The following RAD51B variants were observed in gnomAD, a reference collection of about 807,000 sequenced individuals.
RAD51B encodes the protein RAD51 paralog B.
RAD51B carries 38 observed loss-of-function variants against 42.2 expected under a neutral mutation model. That is an observed-to-expected ratio of 0.90 (90% CI 0.70 to 1.18). The LOEUF (loss-of-function observed/expected upper bound fraction) is 1.18. Ranked by LOEUF, RAD51B falls within the 50% of genes most tolerant of loss-of-function variation. RAD51B has a pLI of 0.00. For missense variants in RAD51B, 373 were observed against 400.7 expected, an observed-to-expected ratio of 0.93 and a Z score of 0.59; for synonymous variants, 154 against 145.2, an observed-to-expected ratio of 1.06 and a Z score of -0.43.
intron 7 of RAD51B, among the ~76,000 whole-genome samples, chr14:67,990,748 T>C (rs1361108023): frequency 1.3e-5 from 2 of 152,230 alleles, no homozygotes; most frequent in Admixed American, 6.5e-5. Context: ...TATCTGTAAG[T>C]ACTTTGGGAT....
chr14:68,590,842 T>C (rs1400626981), intron 10 of RAD51B, among the ~76,000 whole-genome samples: 1 of 152,184 alleles, frequency 6.6e-6, no homozygotes, highest in Non-Finnish European at 1.5e-5. Context: ...ATGCTGACCA[T>C]GGGTGGCGGG....
chr14:68,437,043 C>G (rs2085163917), intron 9 of RAD51B, among the ~76,000 whole-genome samples: 1 of 152,140 alleles, frequency 6.6e-6, no homozygotes. Flanking sequence ...GCTAGGACTT[C>G]CAGTACTATG....
At chr14:67,929,509 C>T (rs192620317) in intron 7 of RAD51B, among the ~76,000 whole-genome samples, 7 of 152,182 alleles carry the variant, frequency 4.6e-5, no homozygotes, top group East Asian at 1.9e-4. Context: ...TATGGTAAAT[C>T]CTGGAGAATT....
At chr14:67,948,478 C>A (rs1466070316) in intron 7 of RAD51B, among the ~76,000 whole-genome samples, 1 of 152,094 alleles carries the variant, frequency 6.6e-6, no homozygotes, top group Non-Finnish European at 1.5e-5. Context: ...AGTATACAGC[C>A]ATACCTTGTA....
At chr14:68,049,170 G>T (rs1426415207) in intron 7 of RAD51B, among the ~76,000 whole-genome samples, 1 of 151,658 alleles carries the variant, frequency 6.6e-6, no homozygotes, top group Non-Finnish European at 1.5e-5. Context: ...AGAACACTTG[G>T]ACCAGGAAGG....
At chr14:68,560,992 T>C (rs1476939456) in intron 10 of RAD51B, among the ~76,000 whole-genome samples, 1 of 152,204 alleles carries the variant, frequency 6.6e-6, no homozygotes, top group East Asian at 1.9e-4. Context: ...GAAATGGGGC[T>C]CTGGAAGCCT....
intron 7 of RAD51B, among the ~76,000 whole-genome samples, chr14:68,000,959 T>A (rs2075471421): frequency 6.6e-6 from 1 of 152,196 alleles, no homozygotes; most frequent in Non-Finnish European, 1.5e-5. Flanking sequence ...ATTTATGTAT[T>A]TATAATATTG....
At chr14:68,041,184 T>C (rs1379240626) in intron 7 of RAD51B, among the ~76,000 whole-genome samples, 2 of 152,174 alleles carry the variant, frequency 1.3e-5, no homozygotes, top group African/African-American at 4.8e-5. Flanking sequence ...CATGTGAAGA[T>C]GTGCAGGCAT....
At chr14:68,042,623 CAT>C (rs1322264213) in intron 7 of RAD51B, among the ~76,000 whole-genome samples, 2 of 152,142 alleles carry the variant, frequency 1.3e-5, no homozygotes, top group East Asian at 3.8e-4. Flanking sequence ...TCCCCTTTCC[CAT>C]GCTTTTGTTT....
At chr14:68,005,459 G>C (rs1214435498) in intron 7 of RAD51B, among the ~76,000 whole-genome samples, 1 of 152,142 alleles carries the variant, frequency 6.6e-6, no homozygotes, top group African/African-American at 2.4e-5. Flanking sequence ...TTCAACCTAG[G>C]AGTTGAATTA....
chr14:68,417,533 C>A (rs2084592351), intron 9 of RAD51B, among the ~76,000 whole-genome samples: 1 of 152,046 alleles, frequency 6.6e-6, no homozygotes, highest in African/African-American at 2.4e-5. Context: ...AAGGGGAACC[C>A]AGAATGGTGG....
intron 7 of RAD51B, chr14:68,236,313 A>G (rs2080256124): frequency 6.6e-6 from 1 of 152,192 alleles, no homozygotes. Context: ...TCCGCTACTG[A>G]TCAGCATAGG....
intron 8 of RAD51B, among the ~76,000 whole-genome samples, chr14:68,304,006 T>C (rs921798744): frequency 8.6e-5 from 13 of 151,934 alleles, no homozygotes; most frequent in African/African-American, 2.9e-4. Flanking sequence ...ACCATCTCTA[T>C]GAAAAATACA....
chr14:68,231,585 G>A (rs1296646154), intron 7 of RAD51B, among the ~76,000 whole-genome samples: 1 of 152,116 alleles, frequency 6.6e-6, no homozygotes, highest in Non-Finnish European at 1.5e-5. Context: ...GCATTGAAAA[G>A]CAGCAGCTGT....
chr14:68,301,601 T>G (rs372240611), intron 8 of RAD51B, among the ~76,000 whole-genome samples: 3,934 of 148,098 alleles, frequency 0.027, 178 homozygotes, highest in African/African-American at 0.091. Flanking sequence ...TGTTTTTTTT[T>G]TTTTTTTTTT....
chr14:68,326,400 C>T (rs1045211668), intron 8 of RAD51B, among the ~76,000 whole-genome samples: 5 of 152,086 alleles, frequency 3.3e-5, no homozygotes, highest in East Asian at 3.9e-4. Flanking sequence ...GTGTTTAGTA[C>T]CATCCTGGAC....
intron 8 of RAD51B, among the ~76,000 whole-genome samples, chr14:68,404,831 C>T (rs1475141944): frequency 6.6e-6 from 1 of 152,172 alleles, no homozygotes; most frequent in Non-Finnish European, 1.5e-5. Flanking sequence ...CAGAGGAAGC[C>T]GAGTATGGAG....
intron 10 of RAD51B, among the ~76,000 whole-genome samples, chr14:68,520,535 T>A (rs1038422359): frequency 3.9e-5 from 6 of 152,196 alleles, no homozygotes; most frequent in African/African-American, 1.4e-4. Flanking sequence ...TAATTAAACA[T>A]ATAACTTCAT....
intron 8 of RAD51B, among the ~76,000 whole-genome samples, chr14:68,403,669 C>A (rs759464305): frequency 2.6e-5 from 4 of 152,238 alleles, no homozygotes; most frequent in African/African-American, 7.2e-5. Context: ...TCATAACCAA[C>A]TCCCACACCA....
Sources: gnomAD v4.1 joint callset for allele counts (sites outside exome capture counted in the v4.1 genomes callset) on GRCh38, gnomAD v4.1.1 for gene constraint, MANE v1.5 for transcripts, NCBI Gene and HGNC (gene_info 2026-07-23, HGNC 2026-07-21) for gene names.